The following TTC7A variants were observed in gnomAD, a reference collection of about 807,000 sequenced individuals.
The protein encoded by TTC7A is tetratricopeptide repeat domain 7A.
Under a neutral mutation model 103.7 loss-of-function variants are expected in TTC7A, and 110 were observed. The observed-to-expected ratio is 1.06, with a 90% CI of 0.91 to 1.24. The LOEUF (loss-of-function observed/expected upper bound fraction) is 1.24. Ranked by LOEUF, TTC7A falls within the 50% of genes most tolerant of loss-of-function variation. The pLI is 0.00. For synonymous variants in TTC7A, 521 were observed against 467.9 expected (o/e 1.11, Z -1.47); for missense variants, 1,340 against 1,116.3 (o/e 1.20, Z -2.86).
chr2:47,033,127 C>T (rs1337639011), intron 15 of TTC7A, among the ~76,000 whole-genome samples: 2 of 152,196 alleles, frequency 1.3e-5, no homozygotes, highest in African/African-American at 2.4e-5. Flanking sequence ...CATTGCTCTT[C>T]GATTGACACT....
At chr2:46,997,544 G>A (rs900137667) in intron 8 of TTC7A, among the ~76,000 whole-genome samples, 3 of 152,160 alleles carry the variant, frequency 2.0e-5, no homozygotes, top group Non-Finnish European at 4.4e-5. Context: ...TCCAGGACAG[G>A]TATGGCTGTT....
intron 8 of TTC7A, among the ~76,000 whole-genome samples, chr2:47,000,354 A>C (rs1676677955): frequency 6.6e-6 from 1 of 152,156 alleles, no homozygotes; most frequent in Non-Finnish European, 1.5e-5. Flanking sequence ...TTGTTCTAAC[A>C]CAAGGCCCTG....
At chr2:47,068,954 C>T (rs1191767254) in intron 19 of TTC7A, among the ~76,000 whole-genome samples, 5 of 151,636 alleles carry the variant, frequency 3.3e-5, no homozygotes, top group Admixed American at 2.6e-4. Flanking sequence ...CAGCCCCCTC[C>T]CCAAACTGTC....
chr2:46,978,966 C>T, intron 5 of TTC7A, 59 bp downstream of exon 5: 4 of 1,308,754 alleles, frequency 3.1e-6, no homozygotes, highest in South Asian at 1.2e-5. Flanking sequence ...AGGCTTTTGA[C>T]GTGGCCTTAA....
At chr2:47,046,233 G>C in intron 15 of TTC7A, 82 bp from the exon 16 acceptor site, 2 of 1,092,252 alleles carry the variant, frequency 1.8e-6, no homozygotes, top group Non-Finnish European at 1.4e-6. Context: ...TGAGCATGTG[G>C]AGCCGCCCTG....
rs116125520 is a variant in TTC7A, at chr2:46,921,909, C to T, written c.82+4632C>T. The stretch of plus-strand genomic sequence containing the variant: ...AGGCATAGCTCAGGTTGGTAATGCT[C>T]ACTCGCCCACCCAGTGCTCACTTCC... On this transcript the variant is annotated intron_variant, in intron 2 of 20. Transcript: ENST00000409245. Among the ~76,000 whole-genome samples, 1,475 of 152,328 alleles carry T rather than the reference C, an allele frequency of 9.7e-3. 30 individuals carry two copies. The highest frequency in any genetic ancestry group is 0.033 in the African/African-American group (1,381 of 41,564).
chr2:47,065,537 T>C (rs1162270917), intron 19 of TTC7A, among the ~76,000 whole-genome samples: 1 of 152,194 alleles, frequency 6.6e-6, no homozygotes, highest in Non-Finnish European at 1.5e-5. Context: ...TGATCAACCT[T>C]TGTCCTTCCT....
At chr2:47,010,936 G>A (rs1287896722) in intron 10 of TTC7A, among the ~76,000 whole-genome samples, 2 of 152,316 alleles carry the variant, frequency 1.3e-5, no homozygotes, top group African/African-American at 2.4e-5. Flanking sequence ...CTGAGTTCAA[G>A]TGATCTGCCT....
intron 3 of TTC7A, among the ~76,000 whole-genome samples, chr2:46,969,914 C>G (rs1488123928): frequency 6.6e-6 from 1 of 152,170 alleles, no homozygotes; most frequent in Non-Finnish European, 1.5e-5. Flanking sequence ...GGAGATGCAG[C>G]CAGACTGTTC....
chr2:47,047,416 C>T (rs1250964705), intron 16 of TTC7A: 26 of 922,192 alleles, frequency 2.8e-5, no homozygotes, highest in Non-Finnish European at 4.3e-5. Flanking sequence ...AGAGGAGGAC[C>T]AGTGGGCGGA....
At chr2:47,070,070 C>T (rs376667828) in intron 19 of TTC7A, among the ~76,000 whole-genome samples, 1 of 150,548 alleles carries the variant, frequency 6.6e-6, no homozygotes, top group African/African-American at 2.4e-5. Context: ...AGGCCCCCCT[C>T]AAAGGAAGAA....
chr2:46,992,602 A>C (rs946102360), intron 5 of TTC7A, among the ~76,000 whole-genome samples: 2 of 152,218 alleles, frequency 1.3e-5, no homozygotes, highest in African/African-American at 4.8e-5. Context: ...TTATTCTGTG[A>C]GCCCTGGGGC....
chr2:47,051,981 C>G, intron 18 of TTC7A, 101 bp downstream of exon 18: 3 of 1,435,146 alleles, frequency 2.1e-6, no homozygotes, highest in Non-Finnish European at 1.9e-6. Context: ...GTGGGGACAC[C>G]TTGCTAGGCC....
At chr2:46,967,717 A>G (rs978904386) in intron 3 of TTC7A, among the ~76,000 whole-genome samples, 3 of 152,070 alleles carry the variant, frequency 2.0e-5, no homozygotes, top group African/African-American at 7.2e-5. Context: ...TGCTGCTATA[A>G]ATGCTAGTGT....
intron 2 of TTC7A, among the ~76,000 whole-genome samples, chr2:46,932,116 A>G (rs529875270): frequency 6.6e-6 from 1 of 152,262 alleles, no homozygotes; most frequent in Admixed American, 6.5e-5. Context: ...TAAATCTGAG[A>G]AAAGATATCA....
intron 15 of TTC7A, among the ~76,000 whole-genome samples, chr2:47,031,476 C>T (rs186874937): frequency 4.6e-5 from 7 of 152,066 alleles, no homozygotes; most frequent in African/African-American, 7.2e-5. Flanking sequence ...CATCGGAAAC[C>T]GAAATGGCCA....
chr2:46,985,571 G>C (rs952537695), intron 5 of TTC7A, among the ~76,000 whole-genome samples: 1 of 152,226 alleles, frequency 6.6e-6, no homozygotes, highest in Non-Finnish European at 1.5e-5. Context: ...ATAATCCTGT[G>C]ATGCAGGAAC....
chr2:47,016,482 A>T (rs138901470), intron 11 of TTC7A, among the ~76,000 whole-genome samples: 1 of 152,302 alleles, frequency 6.6e-6, no homozygotes, highest in East Asian at 1.9e-4. Flanking sequence ...GGAGCCCCTA[A>T]TCACTCTAGA....
At position 47,072,191 on chromosome 2, in the gene TTC7A, C is replaced by A. The variant is rs545694677; in HGVS notation, c.2356-1511C>A. On this transcript the variant is annotated intron_variant, in intron 19 of 19. Transcript: ENST00000319190. ...CCCAGGCAGCCCTGAGTCAGCACCG[C>A]TCCCATCTGGCGAGAGCGTAAGACC... 1.1e-4 allele frequency among the ~76,000 whole-genome samples: 16 copies of A among 152,334 alleles called. No homozygotes were observed. The South Asian group carries it at 3.3e-3, about 32-fold the overall frequency.
Sources: gnomAD v4.1 joint callset for allele counts (sites outside exome capture counted in the v4.1 genomes callset) on GRCh38, gnomAD v4.1.1 for gene constraint, MANE v1.5 for transcripts, NCBI Gene and HGNC (gene_info 2026-07-23, HGNC 2026-07-21) for gene names.